The following MAST2 variants were observed in gnomAD, a reference collection of about 807,000 sequenced individuals.
The protein encoded by MAST2 is microtubule-associated serine/threonine-protein kinase 2.
In MAST2, 70 loss-of-function variants were observed where a neutral mutation model predicts 147.4. The observed-to-expected ratio is 0.47, with a 90% CI of 0.39 to 0.58. The LOEUF (loss-of-function observed/expected upper bound fraction) is 0.58, where lower values mean the gene tolerates loss of function less well. Among genes scored for constraint, MAST2 ranks in the 20% least tolerant of loss-of-function variants. The probability of loss-of-function intolerance (pLI) is 0.00; values close to 1 mark genes in which losing one functional copy is unlikely to be tolerated. For synonymous variants in MAST2, 869 were observed against 896.8 expected, an observed-to-expected ratio of 0.97 and a Z score of 0.55; for missense variants, 2,080 against 2,302.3, an observed-to-expected ratio of 0.90 and a Z score of 1.98.
chr1:45,916,351 G>A (rs1015093454), intron 4 of MAST2, among the ~76,000 whole-genome samples: 1 of 152,118 alleles, frequency 6.6e-6, no homozygotes, highest in South Asian at 2.1e-4. Context: ...TGCCAATAAG[G>A]TAGCAAATTA....
intron 5 of MAST2, among the ~76,000 whole-genome samples, chr1:45,975,574 G>A (rs928809684): frequency 6.6e-6 from 1 of 151,060 alleles, no homozygotes; most frequent in Non-Finnish European, 1.5e-5. Context: ...AGGCTGAGGT[G>A]GGAGGGAGGA....
chr1:46,023,749 ATGGGCCGGACTTTG>A lies in MAST2; in HGVS notation c.1572-21_1572-8del. 1 of 1,609,834 alleles carries A rather than the reference ATGGGCCGGACTTTG, an allele frequency of 6.2e-7. No homozygotes were observed. Among genetic ancestry groups the A allele is most frequent in the Non-Finnish European group, 8.5e-7 (1 of 1,177,420 alleles). On this transcript the variant is annotated splice_polypyrimidine_tract_variant and intron_variant, in intron 14 of 28. Transcript: ENST00000361297. This position sits in a 1 kb window ranked among gnomAD's most constrained non-coding sequence, Gnocchi z 4.9. ...CTCAGGTGCTGAGGGTCCATGGGGG[ATGGGCCGGACTTTG>A]TTTCCCAGGGCTGTATTTCTGGTGC...
chr1:45,943,792 GATA>G (rs1419579574), intron 4 of MAST2, among the ~76,000 whole-genome samples: 1 of 152,134 alleles, frequency 6.6e-6, no homozygotes, highest in African/African-American at 2.4e-5. Context: ...TTGCTTTAAA[GATA>G]ATAATGCACT....
chr1:45,809,409 T>C (rs904342802), intron 1 of MAST2, among the ~76,000 whole-genome samples: 1 of 152,160 alleles, frequency 6.6e-6, no homozygotes, highest in Non-Finnish European at 1.5e-5. Context: ...TTTGGGAGGT[T>C]GAGCAGGCGG....
At chr1:45,965,136 C>T (rs1043786199) in intron 5 of MAST2, among the ~76,000 whole-genome samples, 6 of 152,110 alleles carry the variant, frequency 3.9e-5, no homozygotes, top group African/African-American at 1.4e-4. Context: ...GCTTTACTTC[C>T]AACTATGTGG....
chr1:45,916,173 G>T (rs182454663), intron 4 of MAST2, among the ~76,000 whole-genome samples: 29 of 152,226 alleles, frequency 1.9e-4, no homozygotes, highest in African/African-American at 6.3e-4. Context: ...TTGAATATAT[G>T]TAAGCAAGCA....
chr1:45,852,143 T>G (rs1645640998), intron 3 of MAST2, among the ~76,000 whole-genome samples: 1 of 152,094 alleles, frequency 6.6e-6, no homozygotes, highest in Non-Finnish European at 1.5e-5. Context: ...CCTTATTTGG[T>G]CTTTATATAC....
At chr1:45,882,319 T>C (rs1219982570) in intron 3 of MAST2, 45 bp from the exon 4 acceptor site, 2 of 1,458,384 alleles carry the variant, frequency 1.4e-6, no homozygotes, top group Admixed American at 1.7e-5. Flanking sequence ...CCAACAGGAC[T>C]CAGATGGGTT....
chr1:45,949,372 A>C (rs1375539296), intron 4 of MAST2, among the ~76,000 whole-genome samples: 1 of 152,236 alleles, frequency 6.6e-6, no homozygotes, highest in African/African-American at 2.4e-5. Context: ...ACAAATTTAC[A>C]GGAGAAAAAC....
intron 1 of MAST2, among the ~76,000 whole-genome samples, chr1:45,820,041 A>C (rs1269803567): frequency 6.6e-6 from 1 of 152,188 alleles, no homozygotes; most frequent in Non-Finnish European, 1.5e-5. Context: ...AAATCCATAC[A>C]TTTACAGTGA....
intron 3 of MAST2, among the ~76,000 whole-genome samples, chr1:45,835,539 G>T (rs915245269): frequency 2.6e-5 from 4 of 152,020 alleles, no homozygotes; most frequent in African/African-American, 9.7e-5. Context: ...TTTATCATCA[G>T]TTCTCATGTT....
intron 3 of MAST2, among the ~76,000 whole-genome samples, chr1:45,865,630 T>C (rs1378336481): frequency 6.6e-6 from 1 of 152,228 alleles, no homozygotes; most frequent in Non-Finnish European, 1.5e-5. Flanking sequence ...TCCATCCGTC[T>C]GTCTGTCTAC....
intron 20 of MAST2, 44 bp from the exon 21 acceptor site, chr1:46,030,085 A>G (rs756230161): frequency 7.5e-6 from 12 of 1,608,216 alleles, no homozygotes; most frequent in Non-Finnish European, 1.0e-5. Context: ...CAAGGAGGCC[A>G]CCAGCAGGGC....
At chr1:45,890,979 A>G (rs1335264278) in intron 4 of MAST2, among the ~76,000 whole-genome samples, 2 of 152,192 alleles carry the variant, frequency 1.3e-5, no homozygotes, top group African/African-American at 4.8e-5. Flanking sequence ...TTAAAAAATA[A>G]GCACATGTTA....
At chr1:45,847,455 C>T (rs890748824) in intron 3 of MAST2, 21 of 602,652 alleles carry the variant, frequency 3.5e-5, no homozygotes, top group Non-Finnish European at 6.0e-5. Flanking sequence ...CAGTTTTTCA[C>T]CAATAAGATT....
chr1:45,948,892 A>G (rs983577429), intron 4 of MAST2, among the ~76,000 whole-genome samples: 2 of 152,146 alleles, frequency 1.3e-5, no homozygotes, highest in African/African-American at 2.4e-5. Context: ...CAGAGAGCCT[A>G]TTTTAAAAAT....
chr1:45,990,607 C>T lies in MAST2; in HGVS notation c.593-7117C>T, dbSNP rs148034580. On this transcript the variant is annotated intron_variant, in intron 5 of 28. Coordinates refer to ENST00000361297, the MANE Select transcript of MAST2 (RefSeq NM_015112.3). The stretch of plus-strand genomic sequence containing the variant: ...TCAAATGATCCTCCCACCTCAGCCT[C>T]CTAAGTAGCTGAGACCAGGTGCGTT... 6.8e-4 allele frequency among the ~76,000 whole-genome samples: 104 copies of T among 152,238 alleles called. 1 individual carries two copies. The East Asian group carries it at 0.019, about 29-fold the overall frequency.
At chr1:45,842,271 G>A (rs1431564673) in intron 3 of MAST2, among the ~76,000 whole-genome samples, 1 of 152,178 alleles carries the variant, frequency 6.6e-6, no homozygotes, top group Non-Finnish European at 1.5e-5. Context: ...CTCAGATGAT[G>A]ACAGGTAATC....
intron 4 of MAST2, among the ~76,000 whole-genome samples, chr1:45,936,586 T>C (rs1234939411): frequency 6.6e-6 from 1 of 152,184 alleles, no homozygotes; most frequent in African/African-American, 2.4e-5. Flanking sequence ...TTCCTCTGTG[T>C]AACTAATCTC....
Sources: gnomAD v4.1 joint callset for allele counts (sites outside exome capture counted in the v4.1 genomes callset) on GRCh38, gnomAD v4.1.1 for gene constraint, Gnocchi (gnomAD v3.1) non-coding constraint, MANE v1.5 for transcripts, NCBI Gene and HGNC (gene_info 2026-07-23, HGNC 2026-07-21) for gene names.